HACD3: variants seen among roughly 807,000 people sequenced by gnomAD.
HACD3 encodes very-long-chain (3R)-3-hydroxyacyl-CoA dehydratase 3.
HACD3 carries 30 observed loss-of-function variants against 55.2 expected under a neutral mutation model. The observed-to-expected ratio is 0.54, with a 90% CI of 0.41 to 0.74. The LOEUF is 0.74. Among genes scored for constraint, HACD3 ranks in the 30% least tolerant of loss-of-function variants. The pLI is 0.00. For synonymous variants in HACD3, 141 were observed against 151.7 expected, an observed-to-expected ratio of 0.93 and a Z score of 0.52; for missense variants, 363 against 440.1, an observed-to-expected ratio of 0.82 and a Z score of 1.57.
At chr15:65,558,862 C>A in intron 5 of HACD3, 131 bp downstream of exon 5, 1 of 1,054,982 alleles carries the variant, frequency 9.5e-7, no homozygotes, top group South Asian at 1.4e-5. Flanking sequence ...TATGAAAAAG[C>A]TTTTAGGTCC....
Position 65,573,885 on chromosome 15 carries a change from A to G in HACD3, c.1012+1519A>G, listed in dbSNP as rs1373211940. On this transcript the variant is annotated intron_variant, in intron 10 of 10. Coordinates refer to ENST00000261875, the MANE Select transcript of HACD3 (RefSeq NM_016395.4). ...GAGAGGAGAAAACACTGATTATCAT[A>G]CATAGAACTTTACATGTTTAAGGAT... 2.0e-5 allele frequency among the ~76,000 whole-genome samples: 3 copies of G among 152,254 alleles called. No individual in the cohort carries two copies. The East Asian group carries it at 5.8e-4, about 29-fold the overall frequency.
chr15:65,557,047 G>A (rs72740728), intron 4 of HACD3, 144 bp downstream of exon 4: 146,567 of 829,850 alleles, frequency 0.18, 14,274 homozygotes, highest in African/African-American at 0.28. Context: ...TGATTTTCAA[G>A]AAGTATTGGC....
chr15:65,564,510 G>A lies in HACD3; in HGVS notation c.660+168G>A, dbSNP rs896038742. The A allele has an allele frequency of 5.8e-6, 5 of 869,120 alleles. No individual in the cohort carries two copies. The East Asian group carries it at 1.2e-4, about 21-fold the overall frequency. The allele number at this position is 869,120 out of a possible 1,614,324, so 53.8% of individuals were successfully genotyped here. ...CTTACAGTTCCATGTGGCTGGGAAGGTCTCACGATCATGGTGGAGGGCGAA... is the reference window on the plus strand; with the variant it reads ...CTTACAGTTCCATGTGGCTGGGAAGATCTCACGATCATGGTGGAGGGCGAA... On this transcript the variant is annotated intron_variant, in intron 7 of 10. Coordinates refer to ENST00000261875, the MANE Select transcript of HACD3 (RefSeq NM_016395.4).
chr15:65,567,497 C>G (rs1021992895), intron 7 of HACD3, among the ~76,000 whole-genome samples: 1 of 152,070 alleles, frequency 6.6e-6, no homozygotes, highest in African/African-American at 2.4e-5. Context: ...TGTTAGTTCT[C>G]ATATTTCCCT....
chr15:65,560,701 G>A (rs1208679826), intron 5 of HACD3, among the ~76,000 whole-genome samples: 4 of 151,976 alleles, frequency 2.6e-5, no homozygotes, highest in Non-Finnish European at 4.4e-5. Flanking sequence ...CTACTTGGGC[G>A]GTGAGGTGGG....
intron 5 of HACD3, among the ~76,000 whole-genome samples, chr15:65,559,993 C>T (rs1428883336): frequency 6.6e-6 from 1 of 150,506 alleles, no homozygotes; most frequent in East Asian, 1.9e-4. Context: ...TTTTAATTAG[C>T]TAAATGTTGC....
At chr15:65,554,340 A>AG (rs1232850034) in intron 2 of HACD3, among the ~76,000 whole-genome samples, 1 of 152,242 alleles carries the variant, frequency 6.6e-6, no homozygotes, top group Non-Finnish European at 1.5e-5. Flanking sequence ...CTGACATCAG[A>AG]GGACATATGG....
chr15:65,567,836 A>C (rs977321034), intron 7 of HACD3, among the ~76,000 whole-genome samples: 1 of 152,152 alleles, frequency 6.6e-6, no homozygotes, highest in African/African-American at 2.4e-5. Flanking sequence ...TGGGGTACTT[A>C]AAATAGTCAA....
intron 7 of HACD3, 75 bp downstream of exon 7, chr15:65,564,417 A>G: frequency 2.0e-6 from 3 of 1,511,002 alleles, no homozygotes; most frequent in Non-Finnish European, 2.7e-6. Flanking sequence ...GTATTAGTCC[A>G]TTTTCATGCT....
At chr15:65,567,432 A>G (rs1191180422) in intron 7 of HACD3, among the ~76,000 whole-genome samples, 2 of 152,258 alleles carry the variant, frequency 1.3e-5, no homozygotes, top group Non-Finnish European at 1.5e-5. Flanking sequence ...GAGAGCACAA[A>G]AAGTAAATAT....
At chr15:65,568,015 T>A (rs1177481531) in intron 7 of HACD3, among the ~76,000 whole-genome samples, 7 of 151,294 alleles carry the variant, frequency 4.6e-5, no homozygotes, top group Non-Finnish European at 7.4e-5. Flanking sequence ...CCCTGCCTCC[T>A]GGGTTCACGC....
At chr15:65,548,488 G>A (rs1278624897) in intron 1 of HACD3, among the ~76,000 whole-genome samples, 6 of 149,610 alleles carry the variant, frequency 4.0e-5, no homozygotes, top group Admixed American at 4.0e-4. Flanking sequence ...CTCCAGCCCT[G>A]GGTGACAGAG....
At chr15:65,549,492 C>T (rs1027889401) in intron 1 of HACD3, among the ~76,000 whole-genome samples, 103 of 146,940 alleles carry the variant, frequency 7.0e-4, no homozygotes, top group African/African-American at 2.2e-3. Flanking sequence ...CCCAGCTGCT[C>T]GGGAGGCTGA....
At chr15:65,567,146 G>A (rs559120251) in intron 7 of HACD3, among the ~76,000 whole-genome samples, 3 of 152,062 alleles carry the variant, frequency 2.0e-5, no homozygotes, top group South Asian at 4.2e-4. Context: ...AGCATAGTGA[G>A]ACCCCATTTC....
intron 7 of HACD3, among the ~76,000 whole-genome samples, chr15:65,567,726 A>G (rs765966431): frequency 4.6e-5 from 7 of 152,174 alleles, no homozygotes; most frequent in Non-Finnish European, 1.0e-4. Context: ...AAATGAAAGA[A>G]ATTCTCTCGT....
chr15:65,543,741 G>A (rs1482119561), intron 1 of HACD3, among the ~76,000 whole-genome samples: 2 of 152,084 alleles, frequency 1.3e-5, no homozygotes, highest in African/African-American at 4.8e-5. Flanking sequence ...AAAAAGAACA[G>A]TATCCTCAAA....
chr15:65,552,305 A>G (rs1431704971), intron 2 of HACD3, among the ~76,000 whole-genome samples: 1 of 152,178 alleles, frequency 6.6e-6, no homozygotes, highest in African/African-American at 2.4e-5. Context: ...TTTTAAAAAA[A>G]AATTATTATG....
intron 10 of HACD3, among the ~76,000 whole-genome samples, chr15:65,573,621 A>AT (rs397825836): frequency 1.3e-5 from 2 of 151,428 alleles, no homozygotes; most frequent in Admixed American, 6.6e-5. Context: ...AAAAAAAAAA[A>AT]TTTATTAGTA....
chr15:65,557,391 C>T (rs188074647), intron 4 of HACD3, among the ~76,000 whole-genome samples: 5 of 151,372 alleles, frequency 3.3e-5, no homozygotes, highest in East Asian at 3.9e-4. Flanking sequence ...AGGAGAATGG[C>T]GTGAACTCGG....
Sources: gnomAD v4.1 joint callset for allele counts (sites outside exome capture counted in the v4.1 genomes callset) on GRCh38, gnomAD v4.1.1 for gene constraint, MANE v1.5 for transcripts, NCBI Gene and HGNC (gene_info 2026-07-23, HGNC 2026-07-21) for gene names.